UBE4B: variants seen among roughly 807,000 people sequenced by gnomAD.
UBE4B encodes the protein ubiquitin conjugation factor E4 B.
UBE4B carries 27 observed loss-of-function variants against 148.1 expected under a neutral mutation model. The observed-to-expected ratio is 0.18, with a 90% confidence interval of 0.13 to 0.25. The LOEUF (loss-of-function observed/expected upper bound fraction) is 0.25. UBE4B is among the 10% of genes least tolerant of loss of function. The probability of loss-of-function intolerance (pLI) is 1.00; values close to 1 mark genes in which losing one functional copy is unlikely to be tolerated. For missense variants in UBE4B, 1,170 were observed against 1,662.4 expected (o/e 0.70, Z 5.15); for synonymous variants, 596 against 619.3 (o/e 0.96, Z 0.56).
intron 1 of UBE4B, among the ~76,000 whole-genome samples, chr1:10,041,693 T>TTTTG (rs376585441): frequency 5.3e-5 from 8 of 151,588 alleles, no homozygotes; most frequent in Non-Finnish European, 8.8e-5. Context: ...CCAGTGGACT[T>TTTTG]TTTGTTTGTT....
At chr1:10,129,270 A>G in intron 11 of UBE4B, 122 bp from the exon 12 acceptor site, 2 of 698,750 alleles carry the variant, frequency 2.9e-6, no homozygotes, top group Non-Finnish European at 4.9e-6. Flanking sequence ...TTCAGAGGGA[A>G]TGCATGTGTG....
intron 10 of UBE4B, among the ~76,000 whole-genome samples, chr1:10,123,412 A>AGAGC (rs945342948): frequency 1.4e-5 from 2 of 144,698 alleles, no homozygotes; most frequent in Non-Finnish European, 3.0e-5. Context: ...CCTGGGTGAC[A>AGAGC]GAGCAAGACT....
At chr1:10,092,411 G>A (rs1051673526) in intron 2 of UBE4B, among the ~76,000 whole-genome samples, 1 of 151,816 alleles carries the variant, frequency 6.6e-6, no homozygotes, top group Non-Finnish European at 1.5e-5. Flanking sequence ...TTTTAGTAGA[G>A]ACAGAGTTTC....
At chr1:10,111,076 C>G (rs1489033632) in intron 7 of UBE4B, among the ~76,000 whole-genome samples, 3 of 142,966 alleles carry the variant, frequency 2.1e-5, no homozygotes, top group South Asian at 2.3e-4. Context: ...CACACACACA[C>G]ACACACACAC....
At chr1:10,089,236 A>C (rs1298518538) in intron 2 of UBE4B, among the ~76,000 whole-genome samples, 1 of 151,500 alleles carries the variant, frequency 6.6e-6, no homozygotes, top group Non-Finnish European at 1.5e-5. Context: ...CGATCTCTTG[A>C]CCTCGTAATC....
rs151033703 is a variant in UBE4B, at chr1:10,093,954, C to T, written c.212-1507C>T. On this transcript the variant is annotated intron_variant, in intron 2 of 27. Coordinates refer to ENST00000343090, the MANE Select transcript of UBE4B (RefSeq NM_001105562.3). ...AAATGATCTGCCTTCCTCGGCCCCT[C>T]AAAGTGCTGAGATTACAGGCGTGAG... Among the ~76,000 whole-genome samples the T allele has an allele frequency of 1.5e-3, 222 of 152,272 alleles. 2 individuals carry two copies. The highest frequency in any genetic ancestry group is 2.7e-3 in the Admixed American group (41 of 15,278).
chr1:10,134,237 G>T (rs148847340), intron 15 of UBE4B, among the ~76,000 whole-genome samples: 1 of 151,948 alleles, frequency 6.6e-6, no homozygotes, highest in Non-Finnish European at 1.5e-5. Context: ...ATGGCCAAGC[G>T]TGGTGGCTCA....
At chr1:10,134,316 G>T (rs1005829672) in intron 15 of UBE4B, among the ~76,000 whole-genome samples, 1 of 152,014 alleles carries the variant, frequency 6.6e-6, no homozygotes, top group East Asian at 1.9e-4. Flanking sequence ...TTCGAGACCA[G>T]CCTGGCCAAT....
chr1:10,099,616 G>A (rs1644978121), intron 3 of UBE4B, among the ~76,000 whole-genome samples: 1 of 152,154 alleles, frequency 6.6e-6, no homozygotes, highest in South Asian at 2.1e-4. Context: ...AATTCCTCAG[G>A]CTGATTCCTA....
intron 4 of UBE4B, among the ~76,000 whole-genome samples, chr1:10,102,439 C>T (rs1463253091): frequency 9.1e-6 from 1 of 110,160 alleles, no homozygotes; most frequent in Non-Finnish European, 1.7e-5. Context: ...GAGACAGGGC[C>T]TCACTCTGTT....
intron 25 of UBE4B, among the ~76,000 whole-genome samples, chr1:10,176,991 G>T (rs1646438308): frequency 6.6e-6 from 1 of 150,600 alleles, no homozygotes; most frequent in Admixed American, 6.6e-5. Flanking sequence ...GTTTCACCAT[G>T]TTAGCCAGGA....
intron 25 of UBE4B, among the ~76,000 whole-genome samples, chr1:10,174,908 T>C (rs540765604): frequency 6.6e-6 from 1 of 152,182 alleles, no homozygotes; most frequent in South Asian, 2.1e-4. Context: ...GGTTGTAAAA[T>C]TGCATTTTCT....
intron 7 of UBE4B, among the ~76,000 whole-genome samples, chr1:10,110,939 T>G (rs913450163): frequency 6.6e-6 from 1 of 151,846 alleles, no homozygotes; most frequent in South Asian, 2.1e-4. Flanking sequence ...GAGGCTGCAG[T>G]GAGTCGTGAT....
intron 21 of UBE4B, among the ~76,000 whole-genome samples, chr1:10,154,634 T>C (rs1438202727): frequency 6.6e-6 from 1 of 152,136 alleles, no homozygotes; most frequent in Non-Finnish European, 1.5e-5. Context: ...GGTCAGGAGT[T>C]GGAGGCTTAG....
At chr1:10,158,854 C>G (rs997510987) in intron 22 of UBE4B, among the ~76,000 whole-genome samples, 5 of 151,938 alleles carry the variant, frequency 3.3e-5, no homozygotes, top group Non-Finnish European at 7.4e-5. Flanking sequence ...ATTAAAAATA[C>G]AAAACATTAA....
intron 1 of UBE4B, among the ~76,000 whole-genome samples, chr1:10,068,831 C>G (rs757284036): frequency 1.3e-5 from 2 of 152,198 alleles, no homozygotes; most frequent in Admixed American, 6.5e-5. Flanking sequence ...TCAGACCACC[C>G]AAGGGCATTA....
At chr1:10,101,883 A>C (rs1433595132) in intron 4 of UBE4B, among the ~76,000 whole-genome samples, 1 of 152,140 alleles carries the variant, frequency 6.6e-6, no homozygotes, top group Admixed American at 6.6e-5. Context: ...AATTGAAGCA[A>C]GAATATGTAG....
At chr1:10,053,271 C>T (rs926676535) in intron 1 of UBE4B, among the ~76,000 whole-genome samples, 34 of 151,704 alleles carry the variant, frequency 2.2e-4, no homozygotes, top group Non-Finnish European at 5.0e-4. Context: ...GCCTCAGCCT[C>T]CCAAGTAGCT....
Position 10,108,175 on chromosome 1 carries a change from G to T in UBE4B, c.1196+1592G>T, listed in dbSNP as rs548449368. On this transcript the variant is annotated intron_variant, in intron 7 of 27. Transcript: ENST00000343090. ...TGTGTGTGTGTGTGTGTGCGTGCGTGCTCCCTTCCCACCCCCTCCCAGCCT... is the reference window on the plus strand; with the variant it reads ...TGTGTGTGTGTGTGTGTGCGTGCGTTCTCCCTTCCCACCCCCTCCCAGCCT... Among the ~76,000 whole-genome samples, 3 of 151,762 alleles carry T rather than the reference G, an allele frequency of 2.0e-5. No homozygotes were observed. The East Asian group carries it at 5.8e-4, about 29-fold the overall frequency.
Sources: gnomAD v4.1 joint callset for allele counts (sites outside exome capture counted in the v4.1 genomes callset) on GRCh38, gnomAD v4.1.1 for gene constraint, MANE v1.5 for transcripts, NCBI Gene and HGNC (gene_info 2026-07-23, HGNC 2026-07-21) for gene names.